Variants in SUGCT observed in about 807,000 individuals in gnomAD.
SUGCT encodes succinyl-CoA:glutarate-CoA transferase, also known as succinyl-CoA:glutarate CoA-transferase.
In SUGCT, 41 loss-of-function variants were observed where a neutral mutation model predicts 55.0. That is an observed-to-expected ratio of 0.74 (90% CI 0.58 to 0.97). The LOEUF is 0.97. SUGCT is among the 50% of genes least tolerant of loss of function. The pLI is 0.00. For synonymous variants in SUGCT, 187 were observed against 200.4 expected, an observed-to-expected ratio of 0.93 and a Z score of 0.56; for missense variants, 568 against 547.8, an observed-to-expected ratio of 1.04 and a Z score of -0.37.
At chr7:40,411,571 T>A (rs1786694194) in intron 9 of SUGCT, among the ~76,000 whole-genome samples, 1 of 152,046 alleles carries the variant, frequency 6.6e-6, no homozygotes, top group African/African-American at 2.4e-5. Context: ...AAAAATTGCA[T>A]CTTAAGAAGA....
chr7:40,563,754 AAG>A (rs1795976131), intron 12 of SUGCT, among the ~76,000 whole-genome samples: 1 of 151,560 alleles, frequency 6.6e-6, no homozygotes, highest in African/African-American at 2.4e-5. Context: ...ATAATAATAA[AAG>A]GGGGGGAAAG....
chr7:40,211,772 C>G (rs1438238660), intron 6 of SUGCT, among the ~76,000 whole-genome samples: 1 of 152,134 alleles, frequency 6.6e-6, no homozygotes, highest in Non-Finnish European at 1.5e-5. Context: ...CATGCCCCAC[C>G]TCTCACACCA....
intron 13 of SUGCT, among the ~76,000 whole-genome samples, chr7:40,787,184 A>C (rs1790055837): frequency 6.6e-6 from 1 of 152,216 alleles, no homozygotes; most frequent in African/African-American, 2.4e-5. Context: ...TAACCCTTCC[A>C]GCAAGAACAG....
chr7:40,590,032 C>T (rs1388912039), intron 12 of SUGCT, among the ~76,000 whole-genome samples: 1 of 152,018 alleles, frequency 6.6e-6, no homozygotes, highest in Non-Finnish European at 1.5e-5. Context: ...CTCTGTGTCA[C>T]GTTTTGGTAT....
intron 8 of SUGCT, among the ~76,000 whole-genome samples, chr7:40,293,572 C>A (rs1793927839): frequency 6.6e-6 from 1 of 152,096 alleles, no homozygotes; most frequent in South Asian, 2.1e-4. Context: ...ATTCCTGGGC[C>A]TCACACGCAA....
chr7:40,297,297 A>G lies in SUGCT; in HGVS notation c.721-19463A>G, dbSNP rs1244649488. 2.0e-5 allele frequency among the ~76,000 whole-genome samples: 3 copies of G among 151,922 alleles called. No individual in the cohort carries two copies. In the South Asian group the frequency reaches 6.2e-4, roughly 31 times the overall value. On this transcript the variant is annotated intron_variant, in intron 8 of 13. Transcript: ENST00000335693. ...TAGTCTTGCAATTATGATGTCTTCC[A>G]TTATGAAGTAAGAGTCTTACTTTGC...
chr7:40,306,848 A>G lies in SUGCT; in HGVS notation c.721-9912A>G, dbSNP rs934276701. Among the ~76,000 whole-genome samples the G allele has an allele frequency of 6.6e-5, 10 of 152,266 alleles. No homozygotes were observed. In the East Asian group the frequency reaches 1.7e-3, roughly 26 times the overall value. ...TCATGGTAAGAAATATGTTTGATGTATTATTCTCAACATGCTTTTGAAATT... is the reference window on the plus strand; with the variant it reads ...TCATGGTAAGAAATATGTTTGATGTGTTATTCTCAACATGCTTTTGAAATT... On this transcript the variant is annotated intron_variant, in intron 8 of 13. Coordinates refer to ENST00000335693, the MANE Select transcript of SUGCT (RefSeq NM_001193313.2).
chr7:40,179,608 C>T (rs1165773997), intron 1 of SUGCT, among the ~76,000 whole-genome samples: 1 of 152,146 alleles, frequency 6.6e-6, no homozygotes, highest in Non-Finnish European at 1.5e-5. Context: ...TTGCTGGATT[C>T]ACCTGGGTTT....
At chr7:40,676,893 ACG>A (rs1491553892) in intron 12 of SUGCT, among the ~76,000 whole-genome samples, 10 of 88,340 alleles carry the variant, frequency 1.1e-4, no homozygotes, top group African/African-American at 4.6e-4. Context: ...TTTCAGAATG[ACG>A]TGTGTGTGTG....
chr7:40,238,390 A>G (rs1789148159), intron 7 of SUGCT, among the ~76,000 whole-genome samples: 1 of 152,156 alleles, frequency 6.6e-6, no homozygotes, highest in Non-Finnish European at 1.5e-5. Context: ...ATTAAAAAAA[A>G]GGCTCTCGGG....
chr7:40,197,067 T>A (rs898199915), intron 6 of SUGCT, among the ~76,000 whole-genome samples: 4 of 152,152 alleles, frequency 2.6e-5, no homozygotes, highest in Non-Finnish European at 4.4e-5. Flanking sequence ...ACTCCTGACC[T>A]CAAGTGATCC....
chr7:40,277,529 A>G (rs1792598580), intron 8 of SUGCT, among the ~76,000 whole-genome samples: 1 of 152,042 alleles, frequency 6.6e-6, no homozygotes, highest in South Asian at 2.1e-4. Context: ...TTCTTTATTC[A>G]TAAATTCTAT....
the SUGCT span, among the ~76,000 whole-genome samples, chr7:40,981,899 C>T: frequency 6.6e-6 from 1 of 152,202 alleles, no homozygotes; most frequent in African/African-American, 2.4e-5. Context: ...GTATTCATTA[C>T]CCAGCTCCAA....
chr7:40,984,467 G>T, the SUGCT span, among the ~76,000 whole-genome samples: 2 of 152,206 alleles, frequency 1.3e-5, no homozygotes, highest in African/African-American at 2.4e-5. Flanking sequence ...AGACTGATCT[G>T]CCCCCTGGAA....
At chr7:41,024,625 C>T in the SUGCT span, among the ~76,000 whole-genome samples, 7 of 137,634 alleles carry the variant, frequency 5.1e-5, no homozygotes, top group African/African-American at 2.0e-4. Flanking sequence ...AAGATTAAAT[C>T]AGCAATGAAA....
intron 11 of SUGCT, among the ~76,000 whole-genome samples, chr7:40,485,283 T>C (rs1227281371): frequency 6.6e-6 from 1 of 151,910 alleles, no homozygotes; most frequent in Non-Finnish European, 1.5e-5. Flanking sequence ...GAATTTCCTA[T>C]TATTAGTAAT....
chr7:40,859,441 T>C (rs926152309), intron 13 of SUGCT, among the ~76,000 whole-genome samples: 3 of 152,188 alleles, frequency 2.0e-5, no homozygotes, highest in Non-Finnish European at 4.4e-5. Context: ...AGAATGGGGA[T>C]AGTAAAATCT....
chr7:40,181,746 C>CAA (rs35533534), intron 2 of SUGCT, among the ~76,000 whole-genome samples: 33 of 103,884 alleles, frequency 3.2e-4, no homozygotes, highest in South Asian at 5.3e-4. Flanking sequence ...ACTCCGTCTC[C>CAA]AAAAAAAAAA....
chr7:40,406,741 G>A (rs978632638), intron 9 of SUGCT, among the ~76,000 whole-genome samples: 1 of 152,092 alleles, frequency 6.6e-6, no homozygotes, highest in African/African-American at 2.4e-5. Context: ...TGTATCTCAG[G>A]GATAAGTATT....
Sources: allele counts gnomAD v4.1 joint callset (sites outside exome capture counted in the v4.1 genomes callset), GRCh38; gene constraint gnomAD v4.1.1; transcripts MANE v1.5; gene names NCBI Gene and HGNC (gene_info 2026-07-23, HGNC 2026-07-21).